Variants in CCDC13 observed in about 807,000 individuals in gnomAD.
The protein encoded by CCDC13 is coiled-coil domain containing 13.
A neutral mutation model predicts 87.3 loss-of-function variants in CCDC13; 70 were observed. The ratio of observed to expected loss-of-function variants is 0.80; its 90% confidence interval spans 0.66 to 0.98. CCDC13 has a LOEUF of 0.98. Among genes scored for constraint, CCDC13 ranks in the 50% least tolerant of loss-of-function variants. The pLI is 0.00. For missense variants in CCDC13, 842 were observed against 892.0 expected, an observed-to-expected ratio of 0.94 and a Z score of 0.71; for synonymous variants, 317 against 360.3, an observed-to-expected ratio of 0.88 and a Z score of 1.36.
intron 1 of CCDC13, among the ~76,000 whole-genome samples, chr3:42,761,841 C>A (rs569326834): frequency 2.6e-5 from 4 of 152,172 alleles, no homozygotes; most frequent in African/African-American, 4.8e-5. Context: ...CCTTCTCCCC[C>A]CAAGGCTTAA....
intron 13 of CCDC13, among the ~76,000 whole-genome samples, chr3:42,729,343 G>A (rs1489173703): frequency 1.3e-5 from 2 of 152,208 alleles, no homozygotes. Context: ...ACTTGAGTAT[G>A]TCTGAAATTC....
rs1698234005 is a variant in CCDC13 at position 42,708,811 on chromosome 3, T to C, written c.*169A>G. 12 of 663,704 alleles carry C rather than the reference T, an allele frequency of 1.8e-5. No homozygotes were observed. The allele number at this position is 663,704 out of a possible 1,614,324, so 41.1% of individuals were successfully genotyped here. ...CACCAGGGCTTCTCTTCTGCCTTCC[T>C]GGCCTGAGACATTGGTTTTGGTCAT... On this transcript the variant is annotated 3_prime_UTR_variant, in exon 16 of 16. Coordinates refer to ENST00000310232, the MANE Select transcript of CCDC13 (RefSeq NM_144719.4).
rs182436192 is a variant in CCDC13, at chr3:42,747,303, C to T, written c.674G>A (p.Arg225Gln). The T allele has an allele frequency of 1.0e-4, 167 of 1,614,120 alleles. No homozygotes were observed. Among genetic ancestry groups the T allele is most frequent in the Non-Finnish European group, 1.2e-4 (137 of 1,180,022 alleles). The change falls in exon 6 of 16, where the codon CGA (arginine) becomes CAA (glutamine). Residue 225 changes from arginine (R) to glutamine (Q), a missense_variant. Coordinates refer to ENST00000310232, the MANE Select transcript of CCDC13 (RefSeq NM_144719.4). ...VATNLKMSDLRNQIQSVKQEL... is the reference protein window; with the variant it reads ...VATNLKMSDLQNQIQSVKQEL... Reference sequence around the variant, plus strand: ...CTGCTTCACAGACTGGATCTGGTTTCGGAGGTCACTCATCTTCAAGTTGGT... The same window carrying T: ...CTGCTTCACAGACTGGATCTGGTTTTGGAGGTCACTCATCTTCAAGTTGGT...
Position 42,769,900 on chromosome 3 carries a change from C to T in CCDC13, c.-7+3276G>A, listed in dbSNP as rs373181342. ...TTTCTCACGGGGCCTTAGCTGCCTC[C>T]CCGCAGGGCAGGGCTGGGGACCGGC... On this transcript the variant is annotated intron_variant, in intron 1 of 15. Coordinates refer to ENST00000310232, the MANE Select transcript of CCDC13 (RefSeq NM_144719.4). Among the ~76,000 whole-genome samples the T allele has an allele frequency of 5.2e-4, 79 of 152,390 alleles. No individual in the cohort carries two copies. The East Asian group carries it at 0.013, about 25-fold the overall frequency.
intron 6 of CCDC13, chr3:42,746,969 G>A: frequency 1.9e-6 from 1 of 522,816 alleles, no homozygotes; most frequent in Non-Finnish European, 3.5e-6. Flanking sequence ...CTCCCTGGGT[G>A]GACAGTGCTG....
In CCDC13 at chr3:42,739,688, C is replaced by T. The variant is rs1273222374; in HGVS notation, c.1110G>A (p.Met370Ile). The change falls in exon 9 of 16, where the codon ATG becomes ATA. Residue 370 changes from methionine (M) to isoleucine (I), a missense_variant. Transcript: ENST00000310232. The part of the protein sequence containing the change: ...SSEMKTLKSQ[M>I]GTLVEKGRHD... Reference sequence around the variant, plus strand: ...GCCGGCCCTTCTCCACCAGGGTTCCCATCTGACTCTTGAGGGTCTTCATCT... The same window carrying T: ...GCCGGCCCTTCTCCACCAGGGTTCCTATCTGACTCTTGAGGGTCTTCATCT... 1 of 1,614,084 alleles carries T rather than the reference C, an allele frequency of 6.2e-7. No homozygotes were observed. Among genetic ancestry groups the T allele is most frequent in the African/African-American group, 1.3e-5 (1 of 74,940 alleles).
downstream of CCDC13, chr3:42,704,344 C>G (rs1340603541): frequency 2.6e-5 from 4 of 152,216 alleles, no homozygotes; most frequent in Admixed American, 2.6e-4. Flanking sequence ...GGTGGTTTGA[C>G]CCCAGAGTTA....
rs1177406089 is a variant in CCDC13, at chr3:42,751,920, A to C, written c.603+16T>G. 1.2e-6 allele frequency: 2 copies of C among 1,608,922 alleles called. No homozygotes were observed. Among genetic ancestry groups the C allele is most frequent in the Admixed American group, 3.3e-5 (2 of 59,996 alleles). ...GGCTGCCTCACAGACTTCCCAGCAC[A>C]GAAGAGAATTCATACCAATGCTCTG... On this transcript the variant is annotated intron_variant, in intron 5 of 15. Coordinates refer to ENST00000310232, the MANE Select transcript of CCDC13 (RefSeq NM_144719.4).
chr3:42,741,450 G>C (rs1699213006), intron 8 of CCDC13, among the ~76,000 whole-genome samples: 1 of 152,114 alleles, frequency 6.6e-6, no homozygotes, highest in Admixed American at 6.5e-5. Flanking sequence ...TTAAAACCCT[G>C]TCGTGGGCTC....
intron 1 of CCDC13, among the ~76,000 whole-genome samples, chr3:42,761,507 A>C (rs1298099991): frequency 6.6e-6 from 1 of 152,038 alleles, no homozygotes; most frequent in Non-Finnish European, 1.5e-5. Context: ...CTCCCTCCCC[A>C]CCAGCTTCAC....
chr3:42,758,897 A>G (rs1699768192), intron 1 of CCDC13, among the ~76,000 whole-genome samples: 1 of 152,144 alleles, frequency 6.6e-6, no homozygotes. Context: ...ACGGTCCCTG[A>G]GCAGGCTACT....
At chr3:42,751,766 G>T (rs760105820) in intron 5 of CCDC13, among the ~76,000 whole-genome samples, 170 bp downstream of exon 5, 1 of 152,262 alleles carries the variant, frequency 6.6e-6, no homozygotes, top group Non-Finnish European at 1.5e-5. Flanking sequence ...ACTGTTCTCT[G>T]ATGTCTGCTC....
intron 13 of CCDC13, among the ~76,000 whole-genome samples, chr3:42,726,209 T>C (rs1453894162): frequency 1.3e-5 from 2 of 152,080 alleles, no homozygotes; most frequent in East Asian, 3.9e-4. Flanking sequence ...ACCTGGCTAA[T>C]TTTTGGATTC....
intron 13 of CCDC13, among the ~76,000 whole-genome samples, chr3:42,728,572 G>T (rs544423841): frequency 6.6e-6 from 1 of 152,272 alleles, no homozygotes; most frequent in African/African-American, 2.4e-5. Context: ...AGTTTTGAAA[G>T]GAATCATCAT....
chr3:42,730,712 G>A (rs1698807250), intron 12 of CCDC13, 123 bp from the exon 13 acceptor site: 7 of 1,328,080 alleles, frequency 5.3e-6, no homozygotes, highest in South Asian at 1.4e-5. Flanking sequence ...AGCAAAGGAA[G>A]CAAACCCAGT....
intron 13 of CCDC13, among the ~76,000 whole-genome samples, chr3:42,729,893 T>G (rs1402578486): frequency 1.3e-5 from 2 of 152,262 alleles, no homozygotes; most frequent in Non-Finnish European, 2.9e-5. Context: ...TTGAGCCATG[T>G]GTTGGCCTGG....
chr3:42,759,614 C>T (rs1699787134), intron 1 of CCDC13, among the ~76,000 whole-genome samples: 2 of 152,180 alleles, frequency 1.3e-5, no homozygotes. Context: ...AATGTCATTG[C>T]ACACATTATA....
intron 14 of CCDC13, among the ~76,000 whole-genome samples, chr3:42,711,842 C>T (rs1042117732): frequency 6.6e-6 from 1 of 152,202 alleles, no homozygotes; most frequent in Non-Finnish European, 1.5e-5. Flanking sequence ...GGACACTTTC[C>T]CTCAGGCAGC....
At chr3:42,732,541 A>G in intron 12 of CCDC13, 1 of 298,022 alleles carries the variant, frequency 3.4e-6, no homozygotes, top group South Asian at 5.0e-5. Context: ...ATCAGTGGGA[A>G]CCCATATCAT....
Sources: gnomAD v4.1 joint callset for allele counts (sites outside exome capture counted in the v4.1 genomes callset) on GRCh38, gnomAD v4.1.1 for gene constraint, MANE v1.5 for transcripts, NCBI Gene and HGNC (gene_info 2026-07-23, HGNC 2026-07-21) for gene names.